The following RPS6KA5 variants were observed in gnomAD, a reference collection of about 807,000 sequenced individuals.
RPS6KA5 encodes the protein ribosomal protein S6 kinase alpha-5.
Under a neutral mutation model 85.5 loss-of-function variants are expected in RPS6KA5, and 27 were observed. The ratio of observed to expected loss-of-function variants is 0.32; its 90% CI spans 0.23 to 0.44. RPS6KA5 has a LOEUF of 0.44. RPS6KA5 is among the 20% of genes least tolerant of loss of function. The pLI is 1.00. For missense variants in RPS6KA5, 811 were observed against 980.9 expected (o/e 0.83, Z 2.31); for synonymous variants, 334 against 348.2 (o/e 0.96, Z 0.46).
In RPS6KA5 at chr14:90,867,685, T is replaced by G. The variant is rs926571368; in HGVS notation, c.*4389A>C. On this transcript the variant is annotated 3_prime_UTR_variant, in exon 17 of 17. Transcript: ENST00000614987. ...CACAAAATCCTAGCTTTTTGTAATGTGGTTAAAAGGAGTAATGGAAAAGAA... is the reference window on the plus strand; with the variant it reads ...CACAAAATCCTAGCTTTTTGTAATGGGGTTAAAAGGAGTAATGGAAAAGAA... 2.6e-5 allele frequency: 4 copies of G among 152,196 alleles called. No homozygotes were observed. The highest frequency in any genetic ancestry group is 5.9e-5 in the Non-Finnish European group (4 of 68,022). 9.4% of individuals were successfully genotyped at this position (152,196 alleles called of 1,614,324 possible).
In RPS6KA5 at chr14:90,899,317, AAAGT is replaced by A; in HGVS notation, c.1473+8_1473+11del. The A allele has an allele frequency of 3.8e-6, 6 of 1,562,054 alleles. No homozygotes were observed. The African/African-American group carries it at 8.5e-5, about 22-fold the overall frequency. ...GTACACATGGGAAAAAAAAAAAAAA[AAAGT>A]AGGATACCTGATCATGAAAAACTTC... On this transcript the variant is annotated splice_region_variant and intron_variant, in intron 12 of 16. Transcript: ENST00000614987.
chr14:90,978,783 CA>C (rs1301259505), intron 2 of RPS6KA5, among the ~76,000 whole-genome samples: 18 of 152,124 alleles, frequency 1.2e-4, no homozygotes, highest in Admixed American at 9.2e-4. Flanking sequence ...ATTCTCTCCG[CA>C]ATATTTTTAG....
rs545699685 is a variant in RPS6KA5 at position 90,983,692 on chromosome 14, G to A, written c.176-5168C>T. On this transcript the variant is annotated intron_variant, in intron 2 of 16. Transcript: ENST00000614987. The stretch of plus-strand genomic sequence containing the variant: ...AAAGAAAAGGGAAGGGAAGGGGAGG[G>A]GAAAGGGGCATCGGGAAAGGGGAAT... 2.0e-5 allele frequency among the ~76,000 whole-genome samples: 3 copies of A among 147,174 alleles called. No homozygotes were observed. In the Admixed American group the frequency reaches 2.0e-4, roughly 10 times the overall value.
intron 9 of RPS6KA5, 56 bp downstream of exon 9, chr14:90,902,752 T>C: frequency 6.7e-7 from 1 of 1,500,286 alleles, no homozygotes; most frequent in African/African-American, 1.4e-5. Flanking sequence ...GGAAATTTAA[T>C]CTTTTCTTTC....
chr14:91,030,349 C>T (rs993112824), intron 1 of RPS6KA5, among the ~76,000 whole-genome samples: 6 of 152,068 alleles, frequency 3.9e-5, no homozygotes, highest in South Asian at 2.1e-4. Context: ...TCTACACACG[C>T]GCTGTTGGTT....
At chr14:90,983,760 CTT>C (rs1185455428) in intron 2 of RPS6KA5, among the ~76,000 whole-genome samples, 1 of 151,784 alleles carries the variant, frequency 6.6e-6, no homozygotes, top group East Asian at 1.9e-4. Context: ...TCTAAACACA[CTT>C]TCTTTCTTTC....
Position 90,865,420 on chromosome 14 carries a change from A to G in RPS6KA5, c.*6654T>C, listed in dbSNP as rs2032760483. The G allele has an allele frequency of 6.6e-6, 1 of 152,254 alleles. No individual in the cohort carries two copies. Among genetic ancestry groups the G allele is most frequent in the South Asian group, 2.1e-4 (1 of 4,834 alleles). The allele number at this position is 152,254 out of a possible 1,614,324, so 9.4% of individuals were successfully genotyped here. ...AATTAAACCAGACACAAAAACCTAT[A>G]GACTGGATAATTCCATGTATAGGAA... On this transcript the variant is annotated 3_prime_UTR_variant, in exon 17 of 17. Transcript: ENST00000614987.
intron 12 of RPS6KA5, 140 bp downstream of exon 12, chr14:90,899,189 G>C: frequency 8.1e-6 from 5 of 615,082 alleles, no homozygotes; most frequent in Middle Eastern, 2.6e-4. Flanking sequence ...TGAGAGGGTG[G>C]TTTCACTGCC....
rs893457940 is a variant in RPS6KA5, at chr14:90,860,203, T to C, written c.*11871A>G. The C allele has an allele frequency of 6.6e-6, 1 of 152,174 alleles. No homozygotes were observed. 9.4% of individuals were successfully genotyped at this position (152,174 alleles called of 1,614,324 possible). A position where few individuals can be genotyped will look rare whatever the true frequency, so the allele number is the denominator to read the frequency against. On this transcript the variant is annotated 3_prime_UTR_variant, in exon 17 of 17. Transcript: ENST00000614987. ...AAAGGAAATATAACTAATGGCTTTT[T>C]CCACAGAACTTAAGGATTGGAATGA...
chr14:91,013,373 A>T (rs1211856944), intron 1 of RPS6KA5, among the ~76,000 whole-genome samples: 2 of 152,182 alleles, frequency 1.3e-5, no homozygotes, highest in Non-Finnish European at 2.9e-5. Context: ...TATTAAAGAG[A>T]AATGAGGTAA....
rs1342516930 is a variant in RPS6KA5 at position 90,858,190 on chromosome 14, T to A, written c.*13884A>T. ...TTCATTTAATTTTACGTAAACACAT[T>A]CTTTGAGGCTAAAGCAAATCTGACT... On this transcript the variant is annotated 3_prime_UTR_variant, in exon 17 of 17. Transcript: ENST00000614987. The A allele has an allele frequency of 6.6e-6, 1 of 152,054 alleles. No homozygotes were observed. The highest frequency in any genetic ancestry group is 1.5e-5 in the Non-Finnish European group (1 of 68,008). The allele number at this position is 152,054 out of a possible 1,614,324, so 9.4% of individuals were successfully genotyped here. A position where few individuals can be genotyped will look rare whatever the true frequency, so the allele number is the denominator to read the frequency against.
chr14:90,907,503 A>C (rs2035577525), intron 7 of RPS6KA5, among the ~76,000 whole-genome samples: 1 of 152,246 alleles, frequency 6.6e-6, no homozygotes, highest in African/African-American at 2.4e-5. Flanking sequence ...AATGTGAGCT[A>C]CTGTTATACT....
chr14:90,912,556 T>C (rs2035884969), intron 7 of RPS6KA5, among the ~76,000 whole-genome samples: 1 of 152,256 alleles, frequency 6.6e-6, no homozygotes, highest in Non-Finnish European at 1.5e-5. Context: ...GAATACAATG[T>C]GGGTGACTTC....
At chr14:91,001,482 T>C (rs911566505) in intron 1 of RPS6KA5, among the ~76,000 whole-genome samples, 1 of 152,148 alleles carries the variant, frequency 6.6e-6, no homozygotes, top group Non-Finnish European at 1.5e-5. Flanking sequence ...GATAGATACA[T>C]AGTGGGGAAA....
At chr14:91,040,167 G>A (rs1273515065) in intron 1 of RPS6KA5, among the ~76,000 whole-genome samples, 1 of 152,240 alleles carries the variant, frequency 6.6e-6, no homozygotes, top group Non-Finnish European at 1.5e-5. Flanking sequence ...AACACTTTGG[G>A]AGGCTGAGGC....
At chr14:90,996,108 C>A (rs573755996) in intron 2 of RPS6KA5, among the ~76,000 whole-genome samples, 3 of 152,166 alleles carry the variant, frequency 2.0e-5, no homozygotes, top group East Asian at 3.9e-4. Flanking sequence ...ACCTTCCAGA[C>A]TCAAGAGATA....
Position 90,863,302 on chromosome 14 carries a change from C to CAAAAAAAAAAA in RPS6KA5, c.*8761_*8771dup, listed in dbSNP as rs61230626. 7.0e-3 allele frequency: 174 copies of CAAAAAAAAAAA among 24,732 alleles called. No individual in the cohort carries two copies. The highest frequency in any genetic ancestry group is 9.6e-3 in the East Asian group (10 of 1,042). The allele number at this position is 24,732 out of a possible 1,614,324, so 1.5% of individuals were successfully genotyped here. ...TGGGTGGCAGAGCGAGACTCCGTCT[C>CAAAAAAAAAAA]AAAAAAAAAAAAAAAAAAAAAAAAA... On this transcript the variant is annotated 3_prime_UTR_variant, in exon 17 of 17. Transcript: ENST00000614987.
intron 14 of RPS6KA5, among the ~76,000 whole-genome samples, chr14:90,876,165 T>C (rs1268854551): frequency 1.3e-5 from 2 of 152,176 alleles, no homozygotes; most frequent in Non-Finnish European, 2.9e-5. Flanking sequence ...TTTATGACTA[T>C]ATTCAGAGCA....
In RPS6KA5 at chr14:90,852,523, A is replaced by C. The variant is rs2032053519; in HGVS notation, c.*19551T>G. The C allele has an allele frequency of 6.6e-6, 1 of 152,190 alleles. No individual in the cohort carries two copies. The highest frequency in any genetic ancestry group is 6.5e-5 in the Admixed American group (1 of 15,282). The allele number at this position is 152,190 out of a possible 1,614,324, so 9.4% of individuals were successfully genotyped here. ...ATTTGATTTGAAAACATTTTCAATG[A>C]AAAGTGCAAAGGTTAAGGGAAAAAC... is the stretch of plus-strand genomic sequence containing the variant. On this transcript the variant is annotated 3_prime_UTR_variant, in exon 17 of 17. Transcript: ENST00000614987.
Sources: allele counts gnomAD v4.1 joint callset (sites outside exome capture counted in the v4.1 genomes callset), GRCh38; gene constraint gnomAD v4.1.1; transcripts MANE v1.5; gene names NCBI Gene and HGNC (gene_info 2026-07-23, HGNC 2026-07-21).